The following NGEF variants were observed in gnomAD, a reference collection of about 807,000 sequenced individuals.
NGEF encodes neuronal guanine nucleotide exchange factor, also known as ephexin-1.
A neutral mutation model predicts 80.9 loss-of-function variants in NGEF; 31 were observed. That is an observed-to-expected ratio of 0.38 (90% CI 0.29 to 0.52). The LOEUF (loss-of-function observed/expected upper bound fraction) is 0.52. NGEF is among the 20% of genes least tolerant of loss of function. NGEF has a pLI of 0.84. For synonymous variants in NGEF, 371 were observed against 370.2 expected (o/e 1.00, Z -0.03); for missense variants, 709 against 926.2 (o/e 0.77, Z 3.04).
At chr2:232,971,699 A>C (rs1309801314) in intron 2 of NGEF, among the ~76,000 whole-genome samples, 1 of 152,216 alleles carries the variant, frequency 6.6e-6, no homozygotes, top group African/African-American at 2.4e-5. Flanking sequence ...AAACAAACAA[A>C]CAACCCCTGC....
chr2:232,985,661 G>T lies in NGEF; in HGVS notation c.-74-10697C>A, dbSNP rs190153113. ...CCAGCTACTCGAGAGGCTAAGGCCG[G>T]AGAATGGCGTGAACCCAGGAGGTGG... On this transcript the variant is annotated intron_variant, in intron 1 of 14. Transcript: ENST00000264051. Among the ~76,000 whole-genome samples, 290 of 152,310 alleles carry T rather than the reference G, an allele frequency of 1.9e-3. 3 individuals are homozygous for T. The highest frequency in any genetic ancestry group is 3.6e-3 in the Non-Finnish European group (246 of 68,032).
intron 8 of NGEF, among the ~76,000 whole-genome samples, chr2:232,888,570 CGCAT>C (rs1052400044): frequency 3.9e-5 from 6 of 152,098 alleles, no homozygotes; most frequent in East Asian, 1.9e-4. Context: ...CACACACACA[CGCAT>C]GCACGCACAC....
chr2:232,897,707 GTGTC>G (rs1692144400), intron 5 of NGEF, among the ~76,000 whole-genome samples: 1 of 152,232 alleles, frequency 6.6e-6, no homozygotes, highest in South Asian at 2.1e-4. Context: ...CCGGCCCCCA[GTGTC>G]TGCACCTCAC....
chr2:232,905,906 C>T, intron 5 of NGEF: 1 of 165,652 alleles, frequency 6.0e-6, no homozygotes, highest in South Asian at 8.3e-5. Context: ...GGGGGTCAGC[C>T]CCCCGCCCGG....
At chr2:232,903,211 G>A (rs538607616) in intron 5 of NGEF, among the ~76,000 whole-genome samples, 2 of 152,258 alleles carry the variant, frequency 1.3e-5, no homozygotes, top group East Asian at 3.9e-4. Flanking sequence ...ATTCCACTGT[G>A]TAGATGTTCA....
intron 5 of NGEF, among the ~76,000 whole-genome samples, chr2:232,899,340 G>C (rs1692201391): frequency 6.6e-6 from 1 of 152,102 alleles, no homozygotes; most frequent in Admixed American, 6.5e-5. Flanking sequence ...TGGGAATGGC[G>C]CTCTCAGCTC....
chr2:232,972,744 CTTTTTTTTTTTTTTTTTT>C (rs61594239), intron 2 of NGEF, among the ~76,000 whole-genome samples: 2,737 of 123,466 alleles, frequency 0.022, 112 homozygotes, highest in African/African-American at 0.072. Context: ...TGTCCTTATC[CTTTTTTTTTTTTTTTTTT>C]TTTTTTTTTT....
chr2:232,929,853 G>T (rs1693183322), intron 3 of NGEF, among the ~76,000 whole-genome samples: 1 of 152,154 alleles, frequency 6.6e-6, no homozygotes, highest in Admixed American at 6.5e-5. Flanking sequence ...GTTGTGGGAG[G>T]GACCCAGTGG....
intron 5 of NGEF, among the ~76,000 whole-genome samples, chr2:232,904,095 C>T (rs73102734): frequency 0.039 from 5,932 of 152,280 alleles, 404 homozygotes; most frequent in African/African-American, 0.13. Flanking sequence ...GGTTAGGCTG[C>T]ATCAGGTGAC....
chr2:232,977,634 G>T (rs1280230882), intron 1 of NGEF, among the ~76,000 whole-genome samples: 1 of 152,188 alleles, frequency 6.6e-6, no homozygotes, highest in African/African-American at 2.4e-5. Flanking sequence ...CGTGGGGTGG[G>T]AGTGGGGGTG....
chr2:232,906,378 C>G (rs1692538833), intron 5 of NGEF, among the ~76,000 whole-genome samples: 2 of 142,048 alleles, frequency 1.4e-5, no homozygotes, highest in Admixed American at 1.4e-4. Flanking sequence ...GCCAGCCGCC[C>G]CGTCCGGGAG....
At chr2:232,919,933 G>T (rs549037148) in intron 5 of NGEF, among the ~76,000 whole-genome samples, 1 of 152,294 alleles carries the variant, frequency 6.6e-6, no homozygotes, top group Admixed American at 6.5e-5. Context: ...CTGGAGCTAT[G>T]GCATAGTCAC....
intron 3 of NGEF, among the ~76,000 whole-genome samples, chr2:232,962,202 A>C (rs1574639462): frequency 6.6e-6 from 1 of 152,256 alleles, no homozygotes; most frequent in East Asian, 1.9e-4. Flanking sequence ...TTGCCAATGC[A>C]ATAAGGCAAG....
chr2:232,944,727 ATATATATATATAT>A (rs1693515820), intron 3 of NGEF, among the ~76,000 whole-genome samples: 2 of 2,078 alleles, frequency 9.6e-4, no homozygotes, highest in Non-Finnish European at 2.0e-3. Flanking sequence ...ACTTTTCCGA[ATATATATATATAT>A]ATATATATAT....
chr2:232,883,071 A>ACG (rs1691563148), intron 12 of NGEF, among the ~76,000 whole-genome samples: 4 of 149,908 alleles, frequency 2.7e-5, no homozygotes, highest in African/African-American at 7.5e-5. Flanking sequence ...ACACACACAC[A>ACG]CACACACACA....
At chr2:232,991,887 T>C (rs1477467295) in intron 1 of NGEF, among the ~76,000 whole-genome samples, 5 of 152,250 alleles carry the variant, frequency 3.3e-5, no homozygotes, top group Admixed American at 2.0e-4. Context: ...GGCATTTAGG[T>C]CAAGAGAATA....
At chr2:232,930,827 G>A (rs1000243369) in intron 3 of NGEF, among the ~76,000 whole-genome samples, 6 of 152,186 alleles carry the variant, frequency 3.9e-5, no homozygotes, top group East Asian at 1.9e-4. Context: ...CCCAAAAGTC[G>A]TGTGCTTCTT....
intron 3 of NGEF, chr2:232,928,142 T>A (rs1352175787): frequency 2.0e-6 from 2 of 984,708 alleles, no homozygotes; most frequent in African/African-American, 3.6e-5. Context: ...CCGCCACCGC[T>A]GCCGAGCACT....
chr2:232,885,829 G>A (rs969020924), intron 9 of NGEF, among the ~76,000 whole-genome samples: 2 of 152,336 alleles, frequency 1.3e-5, no homozygotes, highest in South Asian at 4.1e-4. Context: ...GGCCAGGCTC[G>A]CCGCAGGCTC....
Sources: allele counts gnomAD v4.1 joint callset (sites outside exome capture counted in the v4.1 genomes callset), GRCh38; gene constraint gnomAD v4.1.1; transcripts MANE v1.5; gene names NCBI Gene and HGNC (gene_info 2026-07-23, HGNC 2026-07-21).